KIF2C: variants seen among roughly 807,000 people sequenced by gnomAD.
The protein encoded by KIF2C is kinesin-like protein KIF2C.
A neutral mutation model predicts 97.4 loss-of-function variants in KIF2C; 34 were observed. That is an observed-to-expected ratio of 0.35 (90% CI 0.27 to 0.46). The LOEUF (loss-of-function observed/expected upper bound fraction) is 0.46. KIF2C is among the 20% of genes least tolerant of loss of function. The probability of loss-of-function intolerance (pLI) is 1.00; values close to 1 mark genes in which losing one functional copy is unlikely to be tolerated. For synonymous variants in KIF2C, 313 were observed against 318.2 expected, an observed-to-expected ratio of 0.98 and a Z score of 0.17; for missense variants, 750 against 907.6, an observed-to-expected ratio of 0.83 and a Z score of 2.23.
At chr1:44,742,699 A>G (rs907238555) in intron 2 of KIF2C, among the ~76,000 whole-genome samples, 1 of 148,948 alleles carries the variant, frequency 6.7e-6, no homozygotes, top group African/African-American at 2.5e-5. Flanking sequence ...AGCCTGGGCA[A>G]CAGAGTGAAA....
At chr1:44,740,078 C>T (rs752565298) in intron 1 of KIF2C, 76 bp downstream of exon 1, 2 of 1,517,448 alleles carry the variant, frequency 1.3e-6, no homozygotes, top group African/African-American at 2.7e-5. Context: ...TCCCCGGACA[C>T]ACAGATGGGC....
chr1:44,751,431 A>G (rs1370026491), intron 5 of KIF2C, among the ~76,000 whole-genome samples: 1 of 150,210 alleles, frequency 6.7e-6, no homozygotes, highest in African/African-American at 2.5e-5. Context: ...CCTGGCCTCA[A>G]GTGATCCGCC....
At position 44,760,102 on chromosome 1, in the gene KIF2C, T is replaced by C. The variant is rs571438406; in HGVS notation, c.1368-178T>C. Among the ~76,000 whole-genome samples, 6 of 152,248 alleles carry C rather than the reference T, an allele frequency of 3.9e-5. No homozygotes were observed. The highest frequency in any genetic ancestry group is 1.3e-4 in the Admixed American group (2 of 15,286). ...TAATTTGGCTGCCAGGAAAATGTAT[T>C]AGGTCCAGAGCTGGAGGGAGAATTG... On this transcript the variant is annotated intron_variant, in intron 14 of 20. Transcript: ENST00000372224. This position sits in a 1 kb window ranked among gnomAD's most constrained non-coding sequence, Gnocchi z 4.2.
Position 44,762,431 on chromosome 1 carries a change from G to T in KIF2C, c.1837G>T (p.Gly613Trp). 6.2e-7 allele frequency: 1 copy of T among 1,614,134 alleles called. No homozygotes were observed. Among genetic ancestry groups the T allele is most frequent in the Non-Finnish European group, 8.5e-7 (1 of 1,179,992 alleles). ...ETEEMEACSN[G>W]ALIPGNLSKE... The stretch of plus-strand genomic sequence containing the variant: ...AGAAGAGATGGAAGCCTGCTCTAAC[G>T]GGGCGCTGATTCCAGGCAATGTAAG... Residue 613 changes from glycine (G) to tryptophan (W), a missense_variant, in exon 18 of 21, where the codon GGG becomes TGG. Gly to Trp is a radical substitution (Grantham distance 184, BLOSUM62 -2). Transcript: ENST00000372224.
intron 6 of KIF2C, 106 bp downstream of exon 6, chr1:44,753,360 G>A (rs549727594): frequency 2.4e-6 from 3 of 1,268,206 alleles, no homozygotes; most frequent in Non-Finnish European, 3.2e-6. Flanking sequence ...AGCCCTGTTT[G>A]TCACGTGGGG....
In KIF2C at chr1:44,760,517, G is replaced by T; in HGVS notation, c.1572+33G>T. 1 of 1,612,604 alleles carries T rather than the reference G, an allele frequency of 6.2e-7. No homozygotes were observed. The highest frequency in any genetic ancestry group is 1.1e-5 in the South Asian group (1 of 90,856). ...GGCAGCTAGAGCTGGTTGGCCGGGA[G>T]AGCTACTGGGAAGGGATGGGGAGGG... On this transcript the variant is annotated intron_variant, in intron 15 of 20. Transcript: ENST00000372224. The surrounding 1 kb of genome is among the most constrained non-coding windows in gnomAD (Gnocchi z 4.2).
chr1:44,754,260 T>A (rs1037480702), intron 7 of KIF2C, among the ~76,000 whole-genome samples: 4 of 152,028 alleles, frequency 2.6e-5, no homozygotes, highest in African/African-American at 9.7e-5. Flanking sequence ...ATTTAACTGG[T>A]TTATCAGGAT....
rs749309204 is a variant in KIF2C, at chr1:44,756,178, C to G, written c.918C>G (p.Asn306Lys). ...TGGACTTAACAAAGTATCTGGAGAA[C>G]CAAGCATTCTGCTTTGACTTTGCAT... ...LKVDLTKYLE[N>K]QAFCFDFAFD... Residue 306 changes from asparagine to lysine, a missense_variant, in exon 10 of 21, where the codon AAC (asparagine) becomes AAG (lysine). Asn to Lys is a moderately conservative substitution (Grantham distance 94, BLOSUM62 0). Coordinates refer to ENST00000372224, the MANE Select transcript of KIF2C (RefSeq NM_006845.4). 23 of 1,614,220 alleles carry G rather than the reference C, an allele frequency of 1.4e-5. No homozygotes were observed. Among genetic ancestry groups the G allele is most frequent in the Non-Finnish European group, 1.9e-5 (22 of 1,180,026 alleles).
intron 5 of KIF2C, among the ~76,000 whole-genome samples, chr1:44,750,849 C>A (rs1274674659): frequency 6.6e-6 from 1 of 152,148 alleles, no homozygotes; most frequent in Non-Finnish European, 1.5e-5. Context: ...ATGATCAGAG[C>A]ATTACCAGTA....
chr1:44,759,976 T>C (rs1322970334), intron 14 of KIF2C, among the ~76,000 whole-genome samples: 1 of 152,176 alleles, frequency 6.6e-6, no homozygotes, highest in Non-Finnish European at 1.5e-5. Context: ...TCATGACAGC[T>C]TCCCCCTTCC....
At chr1:44,757,240 C>T (rs1291117991) in intron 10 of KIF2C, among the ~76,000 whole-genome samples, 4 of 152,272 alleles carry the variant, frequency 2.6e-5, no homozygotes, top group African/African-American at 9.6e-5. Flanking sequence ...CTGCTGGAAG[C>T]TGGATGCTGA....
At chr1:44,746,346 G>A (rs1649196145) in intron 2 of KIF2C, 3 of 1,030,324 alleles carry the variant, frequency 2.9e-6, no homozygotes, top group Admixed American at 1.1e-4. Flanking sequence ...CTCTGATGAT[G>A]TAAACTTAGA....
At position 44,762,416 on chromosome 1, in the gene KIF2C, G is replaced by A. The variant is rs576606874; in HGVS notation, c.1822G>A (p.Glu608Lys). 8 of 1,614,176 alleles carry A rather than the reference G, an allele frequency of 5.0e-6. No individual in the cohort carries two copies. In the Admixed American group the frequency reaches 5.0e-5, roughly 10 times the overall value. ...QLIQMETEEMEACSNGALIPG... is the reference protein window; with the variant it reads ...QLIQMETEEMKACSNGALIPG... Reference sequence around the variant, plus strand: ...GATTCAAATGGAAACAGAAGAGATGGAAGCCTGCTCTAACGGGGCGCTGAT... The same window carrying A: ...GATTCAAATGGAAACAGAAGAGATGAAAGCCTGCTCTAACGGGGCGCTGAT... Residue 608 changes from glutamate (E) to lysine (K), a missense_variant, in exon 18 of 21, where the codon GAA (glutamate) becomes AAA (lysine). Transcript: ENST00000372224.
chr1:44,757,081 C>G (rs1195477689), intron 10 of KIF2C, among the ~76,000 whole-genome samples: 1 of 151,840 alleles, frequency 6.6e-6, no homozygotes, highest in African/African-American at 2.4e-5. Context: ...CCACACCTGG[C>G]TAATTTTTTG....
In KIF2C at chr1:44,753,710, CTTTTTTTTTT is replaced by C. The variant is rs747535043; in HGVS notation, c.563-22_563-13del. 3 of 1,317,192 alleles carry C rather than the reference CTTTTTTTTTT, an allele frequency of 2.3e-6. No individual in the cohort carries two copies. The highest frequency in any genetic ancestry group is 4.6e-5 in the Admixed American group (2 of 43,694). The allele number at this position is 1,317,192 out of a possible 1,614,324, so 81.6% of individuals were successfully genotyped here. On this transcript the variant is annotated splice_polypyrimidine_tract_variant and intron_variant, in intron 6 of 20. Coordinates refer to ENST00000372224, the MANE Select transcript of KIF2C (RefSeq NM_006845.4). Reference sequence around the variant, plus strand: ...AACAGAGTGGGCTTCCTTTTTTTTTCTTTTTTTTTTATGTTTTCATAGTTCGGAGGAAATC... The same window carrying C: ...AACAGAGTGGGCTTCCTTTTTTTTTCATGTTTTCATAGTTCGGAGGAAATC...
chr1:44,765,481 G>GA (rs1190400761), intron 19 of KIF2C, among the ~76,000 whole-genome samples: 1 of 143,100 alleles, frequency 7.0e-6, no homozygotes, highest in Non-Finnish European at 1.5e-5. Flanking sequence ...AAGAAAGAAA[G>GA]AAAAAAACCA....
intron 1 of KIF2C, 63 bp from the exon 2 acceptor site, chr1:44,740,850 G>A (rs747239443): frequency 2.0e-6 from 2 of 1,013,476 alleles, no homozygotes; most frequent in Middle Eastern, 2.3e-4. Flanking sequence ...AATCTCTGTG[G>A]AATCCTAAAA....
At chr1:44,753,699 CCTTTTTTTTT>C (rs1296317663) in intron 6 of KIF2C, 24 bp from the exon 7 acceptor site, 2 of 1,481,050 alleles carry the variant, frequency 1.4e-6, no homozygotes, top group Admixed American at 2.0e-5. Context: ...GAGTGGGCTT[CCTTTTTTTTT>C]CTTTTTTTTT....
intron 2 of KIF2C, among the ~76,000 whole-genome samples, chr1:44,744,906 A>G (rs929083911): frequency 6.9e-6 from 1 of 145,448 alleles, no homozygotes; most frequent in African/African-American, 2.6e-5. Context: ...CCGTCTAAAA[A>G]AGGCCGGGCG....
Sources: gnomAD v4.1 joint callset for allele counts (sites outside exome capture counted in the v4.1 genomes callset) on GRCh38, gnomAD v4.1.1 for gene constraint, Gnocchi (gnomAD v3.1) non-coding constraint, MANE v1.5 for transcripts, NCBI Gene and HGNC (gene_info 2026-07-23, HGNC 2026-07-21) for gene names.